The following PCDHGA5 variants were observed in gnomAD, a reference collection of about 807,000 sequenced individuals.
PCDHGA5 encodes the protein protocadherin gamma-A5.
PCDHGA5 carries 36 observed loss-of-function variants against 56.7 expected under a neutral mutation model. The observed-to-expected ratio is 0.64, with a 90% CI of 0.49 to 0.84. PCDHGA5 has a LOEUF of 0.84. Among genes scored for constraint, PCDHGA5 ranks in the 40% least tolerant of loss-of-function variants. The pLI, the probability that PCDHGA5 is intolerant of heterozygous loss-of-function variation, is 0.00. For missense variants in PCDHGA5, 1,305 were observed against 1,201.5 expected (o/e 1.09, Z -1.27); for synonymous variants, 563 against 520.2 (o/e 1.08, Z -1.12).
rs547410815 is a variant in PCDHGA5 at position 141,418,658 on chromosome 5, A to T, written c.2421+51907A>T. ...CACCTCCATCCTGAGAGTGAAGGCC[A>T]CTGACCAGGACGAGGGCATCAACTC... is the stretch of plus-strand genomic sequence containing the variant. On this transcript the variant is annotated intron_variant, in intron 1 of 3. Transcript: ENST00000518069. 2.6e-4 allele frequency: 419 copies of T among 1,614,030 alleles called. 6 individuals carry two copies. The South Asian group carries it at 4.2e-3, about 16-fold the overall frequency.
intron 1 of PCDHGA5, chr5:141,403,329 T>C (rs1325114096): frequency 1.2e-6 from 2 of 1,613,990 alleles, no homozygotes; most frequent in Admixed American, 1.7e-5. Context: ...GTAACTGATA[T>C]TAACGACAGC....
rs1395556571 is a variant in PCDHGA5 at position 141,432,581 on chromosome 5, C to CT, written c.2422-62225dup. ...CCAGAACGCCTGGCTGTCCTACCGT[C>CT]TGCTCAAGGCCAGCGAGCCGGGACT... On this transcript the variant is annotated intron_variant, in intron 1 of 3. Coordinates refer to ENST00000518069, the MANE Select transcript of PCDHGA5 (RefSeq NM_018918.3). This position sits in a 1 kb window ranked among gnomAD's most constrained non-coding sequence, Gnocchi z 6.0. 6.2e-7 allele frequency: 1 copy of CT among 1,613,930 alleles called. No homozygotes were observed.
intron 1 of PCDHGA5, chr5:141,403,476 A>T: frequency 6.2e-7 from 1 of 1,613,972 alleles, no homozygotes; most frequent in Non-Finnish European, 8.5e-7. Flanking sequence ...CTCAGCCCCA[A>T]TCACCACTTC....
chr5:141,446,138 T>C (rs1254949926), intron 1 of PCDHGA5, among the ~76,000 whole-genome samples: 1 of 152,208 alleles, frequency 6.6e-6, no homozygotes, highest in African/African-American at 2.4e-5. Context: ...GACTTAATAA[T>C]GGAATAGGTG....
At chr5:141,429,039 A>G (rs565483195) in intron 1 of PCDHGA5, 1 of 152,202 alleles carries the variant, frequency 6.6e-6, no homozygotes, top group East Asian at 1.9e-4. Flanking sequence ...CATTTTTAGT[A>G]CAGACGGGGT....
rs1330463387 is a variant in PCDHGA5, at chr5:141,393,177, G to C, written c.2421+26426G>C. ...AGGAAAACTCTTTGGGGTAGAAATA[G>C]AAATAATTGATATTAACGATAATAA... On this transcript the variant is annotated intron_variant, in intron 1 of 3. Transcript: ENST00000518069. The C allele has an allele frequency of 1.2e-6, 2 of 1,613,174 alleles. No individual in the cohort carries two copies. Among genetic ancestry groups the C allele is most frequent in the Non-Finnish European group, 1.7e-6 (2 of 1,179,896 alleles).
At position 141,366,626 on chromosome 5, in the gene PCDHGA5, A is replaced by G. The variant is rs762991853; in HGVS notation, c.2296A>G (p.Ser766Gly). ...EVSLTADSRKSHLIFPQPNYA... is the reference protein window; with the variant it reads ...EVSLTADSRKGHLIFPQPNYA... ...CTCCCTCACCGCGGACTCGAGGAAG[A>G]GTCACCTGATCTTTCCCCAGCCCAA... Residue 766 changes from serine to glycine, a missense_variant, in exon 1 of 4, where the codon AGT (serine) becomes GGT (glycine). Ser to Gly is a moderately conservative substitution (Grantham distance 56). Coordinates refer to ENST00000518069, the MANE Select transcript of PCDHGA5 (RefSeq NM_018918.3). 9 of 1,614,244 alleles carry G rather than the reference A, an allele frequency of 5.6e-6. No individual in the cohort carries two copies. The South Asian group carries it at 9.9e-5, about 18-fold the overall frequency.
Position 141,489,517 on chromosome 5 carries a change from G to C in PCDHGA5, c.2422-5290G>C. The C allele has an allele frequency of 6.2e-7, 1 of 1,614,136 alleles. No individual in the cohort carries two copies. Among genetic ancestry groups the C allele is most frequent in the Non-Finnish European group, 8.5e-7 (1 of 1,180,044 alleles). On this transcript the variant is annotated intron_variant, in intron 1 of 3. Transcript: ENST00000518069. The surrounding 1 kb of genome is among the most constrained non-coding windows in gnomAD (Gnocchi z 4.5). ...GGCAGTGAATCAAAAGATTGACCGA[G>C]AAAGCCTATGTGGAGCCAGCACCAG...
intron 1 of PCDHGA5, chr5:141,395,849 C>G (rs1173151406): frequency 6.6e-6 from 1 of 152,094 alleles, no homozygotes; most frequent in African/African-American, 2.4e-5. Flanking sequence ...GGAGATGAGA[C>G]TGGTTACTAA....
In PCDHGA5 at chr5:141,365,666, A is replaced by T; in HGVS notation, c.1336A>T (p.Asn446Tyr). The change falls in exon 1 of 4, where the codon AAT (asparagine) becomes TAT (tyrosine). Residue 446 changes from asparagine (N) to tyrosine (Y), a missense_variant. Coordinates refer to ENST00000518069, the MANE Select transcript of PCDHGA5 (RefSeq NM_018918.3). ...SHIPLKVADV[N>Y]DNPPNFPQAS... is the part of the protein sequence containing the mutation. ...CATCCCCTTGAAAGTAGCAGACGTT[A>T]ATGACAACCCACCCAATTTCCCTCA... 2.5e-6 allele frequency: 4 copies of T among 1,613,398 alleles called. No homozygotes were observed. The highest frequency in any genetic ancestry group is 3.4e-6 in the Non-Finnish European group (4 of 1,179,762).
intron 1 of PCDHGA5, among the ~76,000 whole-genome samples, chr5:141,382,107 C>T (rs1777954814): frequency 6.6e-6 from 1 of 152,002 alleles, no homozygotes; most frequent in Non-Finnish European, 1.5e-5. Flanking sequence ...GGATTACAGG[C>T]GTGAGCAACA....
chr5:141,365,891 G>A lies in PCDHGA5; in HGVS notation c.1561G>A (p.Asp521Asn), dbSNP rs1764189637. ...TGTCCTGTATGCTCTGAGATCCTTCGACTATGAGCAGTTGAGAGACCTACA... is the reference window on the plus strand; with the variant it reads ...TGTCCTGTATGCTCTGAGATCCTTCAACTATGAGCAGTTGAGAGACCTACA... The part of the protein sequence containing the change: ...TGVLYALRSF[D>N]YEQLRDLQLW... Residue 521 changes from aspartate (D) to asparagine (N), a missense_variant, in exon 1 of 4, where the codon GAC becomes AAC. By Grantham distance (23) the Asp-to-Asn change is conservative. Transcript: ENST00000518069. 1.2e-6 allele frequency: 2 copies of A among 1,614,018 alleles called. No homozygotes were observed. The highest frequency in any genetic ancestry group is 1.7e-6 in the Non-Finnish European group (2 of 1,180,020).
chr5:141,400,513 C>A, intron 1 of PCDHGA5: 1 of 1,613,994 alleles, frequency 6.2e-7, no homozygotes, highest in Non-Finnish European at 8.5e-7. Context: ...GTCGACTTCC[C>A]ATCCTGAGTT....
chr5:141,437,385 C>T (rs543945898), intron 1 of PCDHGA5, among the ~76,000 whole-genome samples: 12 of 152,202 alleles, frequency 7.9e-5, no homozygotes, highest in Non-Finnish European at 1.6e-4. Flanking sequence ...AGAAGACATT[C>T]ATCCACTGCT....
intron 1 of PCDHGA5, among the ~76,000 whole-genome samples, chr5:141,439,599 G>A (rs1319524199): frequency 6.6e-6 from 1 of 152,146 alleles, no homozygotes; most frequent in Non-Finnish European, 1.5e-5. Flanking sequence ...TGGCCAGTCT[G>A]GAAACAGAGA....
Position 141,486,107 on chromosome 5 carries a change from A to T in PCDHGA5, c.2422-8700A>T, listed in dbSNP as rs758269750. ...TCTTTTGGGGCCCCTAGACTTTGAG[A>T]GTGAGAATTACTATGAATTTGATGT... is the stretch of plus-strand genomic sequence containing the variant. On this transcript the variant is annotated intron_variant, in intron 1 of 3. Transcript: ENST00000518069. The surrounding 1 kb of genome is among the most constrained non-coding windows in gnomAD (Gnocchi z 5.0). The T allele has an allele frequency of 6.2e-7, 1 of 1,614,102 alleles. No individual in the cohort carries two copies. Among genetic ancestry groups the T allele is most frequent in the South Asian group, 1.1e-5 (1 of 91,080 alleles).
At position 141,491,111 on chromosome 5, in the gene PCDHGA5, A is replaced by G; in HGVS notation, c.2422-3696A>G. 1 of 1,614,162 alleles carries G rather than the reference A, an allele frequency of 6.2e-7. No individual in the cohort carries two copies. Among genetic ancestry groups the G allele is most frequent in the Non-Finnish European group, 8.5e-7 (1 of 1,180,026 alleles). Reference sequence around the variant, plus strand: ...CCAGGACTGTTCCTCGTGTCTACACACACTGGTGAGGTGCGCACAGCCCGG... The same window carrying G: ...CCAGGACTGTTCCTCGTGTCTACACGCACTGGTGAGGTGCGCACAGCCCGG... On this transcript the variant is annotated intron_variant, in intron 1 of 3. Transcript: ENST00000518069. This position sits in a 1 kb window ranked among gnomAD's most constrained non-coding sequence, Gnocchi z 6.9.
chr5:141,399,813 G>T (rs985564503), intron 1 of PCDHGA5: 1 of 1,613,080 alleles, frequency 6.2e-7, no homozygotes, highest in Admixed American at 1.7e-5. Flanking sequence ...TGTACCCCGC[G>T]CTGGGTCCCG....
intron 1 of PCDHGA5, chr5:141,441,751 A>G (rs946329290): frequency 5.3e-6 from 2 of 378,094 alleles, no homozygotes; most frequent in African/African-American, 2.2e-5. Flanking sequence ...CTCGGCGTCA[A>G]CGTGAGCCTG....
Sources: gnomAD v4.1 joint callset for allele counts (sites outside exome capture counted in the v4.1 genomes callset) on GRCh38, gnomAD v4.1.1 for gene constraint, Gnocchi (gnomAD v3.1) non-coding constraint, MANE v1.5 for transcripts, NCBI Gene and HGNC (gene_info 2026-07-23, HGNC 2026-07-21) for gene names.